SNAP25: variants seen among roughly 807,000 people sequenced by gnomAD.
SNAP25 encodes synaptosomal-associated protein 25.
Under a neutral mutation model 28.7 loss-of-function variants are expected in SNAP25, and 3 were observed. The ratio of observed to expected loss-of-function variants is 0.10; its 90% CI spans 0.05 to 0.27. SNAP25 has a LOEUF of 0.27. SNAP25 is among the 10% of genes least tolerant of loss of function. SNAP25 has a pLI of 1.00. For missense variants in SNAP25, 117 were observed against 278.7 expected (o/e 0.42, Z 4.13); for synonymous variants, 61 against 88.1 (o/e 0.69, Z 1.72).
At chr20:10,225,282 A>G (rs911273411) in intron 1 of SNAP25, among the ~76,000 whole-genome samples, 2 of 152,086 alleles carry the variant, frequency 1.3e-5, no homozygotes, top group Admixed American at 6.5e-5. Context: ...GCAGATTTCA[A>G]TGTCTTTCCA....
intron 1 of SNAP25, among the ~76,000 whole-genome samples, chr20:10,239,304 CAT>C (rs1220125338): frequency 2.0e-5 from 3 of 152,150 alleles, no homozygotes; most frequent in African/African-American, 7.2e-5. Flanking sequence ...TTCATGCACA[CAT>C]ATATGAAATT....
chr20:10,271,821 C>A (rs1232179893), intron 1 of SNAP25, among the ~76,000 whole-genome samples: 2 of 152,170 alleles, frequency 1.3e-5, no homozygotes, highest in Non-Finnish European at 2.9e-5. Context: ...AATAGCACTA[C>A]AAGTCTGAAA....
At chr20:10,280,303 A>G (rs2063758033) in intron 3 of SNAP25, among the ~76,000 whole-genome samples, 1 of 152,192 alleles carries the variant, frequency 6.6e-6, no homozygotes, top group African/African-American at 2.4e-5. Context: ...AACTACACAG[A>G]GGTGAGTGGA....
chr20:10,287,353 TGAACAGACACTTCTCAAAA>T (rs1485926009), intron 4 of SNAP25, among the ~76,000 whole-genome samples: 2 of 151,974 alleles, frequency 1.3e-5, no homozygotes, highest in African/African-American at 4.8e-5. Flanking sequence ...GTGAAGGACA[TGAACAGACACTTCTCAAAA>T]GAAGACATTT....
chr20:10,296,602 C>T, intron 5 of SNAP25: 1 of 297,018 alleles, frequency 3.4e-6, no homozygotes, highest in Non-Finnish European at 6.4e-6. Flanking sequence ...AATCACATCA[C>T]TAAAATAGAA....
intron 1 of SNAP25, among the ~76,000 whole-genome samples, chr20:10,230,342 G>T (rs2062807356): frequency 6.6e-6 from 1 of 152,236 alleles, no homozygotes; most frequent in South Asian, 2.1e-4. Context: ...GACAAAGTAG[G>T]AATTGATGAG....
Position 10,293,069 on chromosome 20 carries a change from T to C in SNAP25, c.164-92T>C. 7.0e-7 allele frequency: 1 copy of C among 1,437,664 alleles called. No homozygotes were observed. The highest frequency in any genetic ancestry group is 9.5e-7 in the Non-Finnish European group (1 of 1,052,086). The allele number at this position is 1,437,664 out of a possible 1,614,324, so 89.1% of individuals were successfully genotyped here. ...TTCTTTTTTTTTTTTTCTTTTTTAA[T>C]GTCAAAGTGAATGTCTGAAGTTTTG... On this transcript the variant is annotated intron_variant, in intron 4 of 7. Coordinates refer to ENST00000254976, the MANE Select transcript of SNAP25 (RefSeq NM_130811.4). This position sits in a 1 kb window ranked among gnomAD's most constrained non-coding sequence, Gnocchi z 5.6.
intron 1 of SNAP25, among the ~76,000 whole-genome samples, chr20:10,233,488 T>C (rs1411123708): frequency 6.6e-6 from 1 of 152,212 alleles, no homozygotes; most frequent in Non-Finnish European, 1.5e-5. Flanking sequence ...TTCCTCTGCA[T>C]TTACTAACCA....
chr20:10,300,722 G>A (rs362988), intron 7 of SNAP25, among the ~76,000 whole-genome samples: 87,737 of 152,062 alleles, frequency 0.58, 27,635 homozygotes, highest in African/African-American at 0.84. Flanking sequence ...TGCCTGATCA[G>A]TATGAAAACT....
intron 1 of SNAP25, among the ~76,000 whole-genome samples, chr20:10,270,426 C>T (rs1304017509): frequency 2.6e-5 from 4 of 152,108 alleles, no homozygotes; most frequent in African/African-American, 9.6e-5. Flanking sequence ...CAGCTGGCCA[C>T]GATGGCTCAC....
At chr20:10,229,271 C>T (rs1021167829) in intron 1 of SNAP25, among the ~76,000 whole-genome samples, 14 of 151,924 alleles carry the variant, frequency 9.2e-5, no homozygotes, top group East Asian at 7.7e-4. Flanking sequence ...TTGTTGGGGG[C>T]GGGGATAGGT....
At chr20:10,262,284 T>A (rs1002217103) in intron 1 of SNAP25, among the ~76,000 whole-genome samples, 3 of 152,210 alleles carry the variant, frequency 2.0e-5, no homozygotes, top group African/African-American at 7.2e-5. Flanking sequence ...TTTTGATGTT[T>A]GCCATTTCAA....
chr20:10,296,039 G>C (rs2064101512), intron 5 of SNAP25, among the ~76,000 whole-genome samples: 1 of 152,186 alleles, frequency 6.6e-6, no homozygotes, highest in Non-Finnish European at 1.5e-5. Flanking sequence ...TCCTCATGAA[G>C]GCTATTACTG....
intron 4 of SNAP25, among the ~76,000 whole-genome samples, chr20:10,286,569 G>A (rs1344375079): frequency 6.6e-6 from 1 of 152,136 alleles, no homozygotes; most frequent in African/African-American, 2.4e-5. Context: ...TCAGCCATTG[G>A]CTTGAAGCAT....
rs1871070779 is a variant in SNAP25, at chr20:10,297,053, G to A, written c.407+3G>A. 6.3e-7 allele frequency: 1 copy of A among 1,592,914 alleles called. No homozygotes were observed. The highest frequency in any genetic ancestry group is 8.6e-7 in the Non-Finnish European group (1 of 1,169,212). On this transcript the variant is annotated splice_donor_region_variant and intron_variant, in intron 6 of 7. Transcript: ENST00000254976. ...ATCAGTGGCGGCTTCATCCGCAGGTGAGCCTCATGCAGCATACACTGTAGC... is the reference window on the plus strand; with the variant it reads ...ATCAGTGGCGGCTTCATCCGCAGGTAAGCCTCATGCAGCATACACTGTAGC...
intron 1 of SNAP25, among the ~76,000 whole-genome samples, chr20:10,232,988 T>C (rs1318151652): frequency 1.3e-5 from 2 of 152,220 alleles, no homozygotes; most frequent in East Asian, 3.8e-4. Context: ...CATATAGATC[T>C]GCTTTCCCAT....
intron 6 of SNAP25, among the ~76,000 whole-genome samples, chr20:10,297,269 C>A (rs545711319): frequency 7.2e-5 from 11 of 152,288 alleles, no homozygotes; most frequent in Admixed American, 3.9e-4. Flanking sequence ...GTTGGTGGGG[C>A]ATGTCTGTTC....
intron 7 of SNAP25, among the ~76,000 whole-genome samples, chr20:10,305,019 T>C (rs1165035006): frequency 6.6e-6 from 1 of 152,236 alleles, no homozygotes; most frequent in African/African-American, 2.4e-5. Context: ...AATAGGCCCA[T>C]GTATGGTCTA....
chr20:10,260,144 T>C (rs1344753852), intron 1 of SNAP25, among the ~76,000 whole-genome samples: 4 of 152,212 alleles, frequency 2.6e-5, no homozygotes, highest in Non-Finnish European at 5.9e-5. Context: ...TTGCAAATTT[T>C]CCTCTGCCAA....
Sources: gnomAD v4.1 joint callset for allele counts (sites outside exome capture counted in the v4.1 genomes callset) on GRCh38, gnomAD v4.1.1 for gene constraint, Gnocchi (gnomAD v3.1) non-coding constraint, MANE v1.5 for transcripts, NCBI Gene and HGNC (gene_info 2026-07-23, HGNC 2026-07-21) for gene names.